Variants in ELAVL4 observed in about 807,000 individuals in gnomAD.
The protein encoded by ELAVL4 is ELAV-like protein 4.
In ELAVL4, 1 loss-of-function variant was observed where a neutral mutation model predicts 35.6. The observed-to-expected ratio is 0.03, with a 90% CI of 0.01 to 0.13. The LOEUF is 0.13. Among genes scored for constraint, ELAVL4 ranks in the 10% least tolerant of loss-of-function variants. ELAVL4 has a pLI of 1.00. For missense variants in ELAVL4, 267 were observed against 464.9 expected (o/e 0.57, Z 3.91); for synonymous variants, 156 against 171.0 (o/e 0.91, Z 0.69).
intron 1 of ELAVL4, among the ~76,000 whole-genome samples, chr1:50,094,843 T>C (rs1665652280): frequency 6.6e-6 from 1 of 151,970 alleles, no homozygotes; most frequent in Non-Finnish European, 1.5e-5. Flanking sequence ...GGTGAGATAA[T>C]CTCCTGAACC....
intron 1 of ELAVL4, among the ~76,000 whole-genome samples, chr1:50,117,212 G>A (rs1184157904): frequency 6.6e-6 from 1 of 152,066 alleles, no homozygotes; most frequent in African/African-American, 2.4e-5. Flanking sequence ...AATCTTAAAA[G>A]CAACCTGCTT....
chr1:50,148,385 TG>T (rs1339913228), intron 2 of ELAVL4, among the ~76,000 whole-genome samples: 2 of 152,202 alleles, frequency 1.3e-5, no homozygotes, highest in Admixed American at 1.3e-4. Flanking sequence ...AAGACTCATG[TG>T]TATAAAGGGA....
intron 2 of ELAVL4, among the ~76,000 whole-genome samples, chr1:50,146,499 C>T (rs1220210635): frequency 6.6e-6 from 1 of 151,942 alleles, no homozygotes; most frequent in Non-Finnish European, 1.5e-5. Context: ...CACAGTGGTC[C>T]CTCAGTAAAT....
At chr1:50,144,193 G>T (rs1170442049) in intron 1 of ELAVL4, among the ~76,000 whole-genome samples, 1 of 152,116 alleles carries the variant, frequency 6.6e-6, no homozygotes. Context: ...ACACCAGCCA[G>T]AAATCTTTGT....
Position 50,150,775 on chromosome 1 carries a change from TTGAACTCACTCCCAAAATG to T in ELAVL4, c.250+5583_250+5601del, listed in dbSNP as rs1674645999. ...AAAAATCCTAAGATATAAAAATTCCTTGAACTCACTCCCAAAATGTGAATTCAGCCCCAAGGTGAGTTTA... is the reference window on the plus strand; with the variant it reads ...AAAAATCCTAAGATATAAAAATTCCTTGAATTCAGCCCCAAGGTGAGTTTA... On this transcript the variant is annotated intron_variant, in intron 2 of 6. Transcript: ENST00000371824. 4.6e-5 allele frequency among the ~76,000 whole-genome samples: 7 copies of T among 152,344 alleles called. No individual in the cohort carries two copies. In the South Asian group the frequency reaches 1.5e-3, roughly 32 times the overall value.
At chr1:50,139,693 G>T (rs1394892160) in intron 1 of ELAVL4, among the ~76,000 whole-genome samples, 1 of 152,306 alleles carries the variant, frequency 6.6e-6, no homozygotes, top group South Asian at 2.1e-4. Flanking sequence ...TGTTGAGAGA[G>T]GTGCCAGAAG....
intron 1 of ELAVL4, among the ~76,000 whole-genome samples, chr1:50,128,127 T>A (rs1327985572): frequency 6.6e-6 from 1 of 152,066 alleles, no homozygotes. Flanking sequence ...AAATAAAATA[T>A]GAGTTTAGGC....
At chr1:50,091,200 C>T (rs187989887) in intron 1 of ELAVL4, among the ~76,000 whole-genome samples, 13 of 152,332 alleles carry the variant, frequency 8.5e-5, no homozygotes, top group African/African-American at 1.7e-4. Flanking sequence ...TCCAGCTTGA[C>T]GTATTGGAGA....
At chr1:50,129,714 G>C (rs1302908663) in intron 1 of ELAVL4, among the ~76,000 whole-genome samples, 1 of 152,104 alleles carries the variant, frequency 6.6e-6, no homozygotes, top group African/African-American at 2.4e-5. Context: ...TAGGTGATGA[G>C]TAGTAATGTT....
intron 6 of ELAVL4, 119 bp downstream of exon 6, chr1:50,197,586 C>A: frequency 1.1e-6 from 1 of 873,516 alleles, no homozygotes; most frequent in South Asian, 2.7e-5. Context: ...TTTTCTTCCA[C>A]CAGCATGTCA....
intron 2 of ELAVL4, among the ~76,000 whole-genome samples, chr1:50,146,340 C>G (rs920101993): frequency 2.0e-5 from 3 of 152,126 alleles, no homozygotes; most frequent in African/African-American, 7.2e-5. Flanking sequence ...AACTTAAATA[C>G]CACTGCTACT....
At chr1:50,117,466 A>G (rs1397793427) in intron 1 of ELAVL4, among the ~76,000 whole-genome samples, 1 of 152,120 alleles carries the variant, frequency 6.6e-6, no homozygotes, top group East Asian at 1.9e-4. Flanking sequence ...GAAACTGGCA[A>G]GTGCAAAGGA....
At chr1:50,170,457 G>A (rs564760327) in intron 2 of ELAVL4, among the ~76,000 whole-genome samples, 1 of 152,168 alleles carries the variant, frequency 6.6e-6, no homozygotes, top group Non-Finnish European at 1.5e-5. Context: ...AAGGCACAGG[G>A]AGGTTAATTT....
intron 2 of ELAVL4, 103 bp from the exon 3 acceptor site, chr1:50,176,986 G>A (rs1302474852): frequency 6.9e-6 from 6 of 874,430 alleles, no homozygotes; most frequent in African/African-American, 5.0e-5. Flanking sequence ...ACTGCAGTGG[G>A]AAGTGTTGCC....
chr1:50,139,824 CCTTCCCT>C (rs1357348854), intron 1 of ELAVL4, among the ~76,000 whole-genome samples: 7 of 152,096 alleles, frequency 4.6e-5, no homozygotes, highest in Admixed American at 3.3e-4. Context: ...ACGTCTGAAG[CCTTCCCT>C]CTTGCTTTTG....
At chr1:50,114,115 T>C (rs1667544072) in intron 1 of ELAVL4, among the ~76,000 whole-genome samples, 1 of 152,124 alleles carries the variant, frequency 6.6e-6, no homozygotes, top group Admixed American at 6.6e-5. Context: ...AGCTGCCACT[T>C]AAGAAATTAT....
intron 1 of ELAVL4, among the ~76,000 whole-genome samples, chr1:50,087,178 G>T (rs980475677): frequency 6.6e-6 from 1 of 152,114 alleles, no homozygotes; most frequent in African/African-American, 2.4e-5. Context: ...TGTACTGAAT[G>T]GATCCCCAAA....
intron 1 of ELAVL4, among the ~76,000 whole-genome samples, chr1:50,141,351 G>T (rs181405176): frequency 5.5e-4 from 84 of 152,290 alleles, no homozygotes; most frequent in African/African-American, 1.8e-3. Flanking sequence ...TTGTGGGCCT[G>T]GGGGGTTTTT....
chr1:50,105,062 G>A (rs909696104), upstream of ELAVL4, among the ~76,000 whole-genome samples: 5 of 152,164 alleles, frequency 3.3e-5, no homozygotes, highest in African/African-American at 1.2e-4. Flanking sequence ...TTTTAAAAGA[G>A]AGGCTTAATA....
Sources: gnomAD v4.1 joint callset for allele counts (sites outside exome capture counted in the v4.1 genomes callset) on GRCh38, gnomAD v4.1.1 for gene constraint, MANE v1.5 for transcripts, NCBI Gene and HGNC (gene_info 2026-07-23, HGNC 2026-07-21) for gene names.